CWF19L2: variants seen among roughly 807,000 people sequenced by gnomAD.
The protein encoded by CWF19L2 is CWF19 like cell cycle control factor 2, also known as CWF19-like protein 2.
In CWF19L2, 98 loss-of-function variants were observed where a neutral mutation model predicts 111.7. The ratio of observed to expected loss-of-function variants is 0.88; its 90% CI spans 0.75 to 1.04. The LOEUF (loss-of-function observed/expected upper bound fraction) is 1.04, where lower values mean the gene tolerates loss of function less well. Ranked by LOEUF, CWF19L2 falls within the 50% of genes least tolerant of loss-of-function variation. The pLI is 0.00. For synonymous variants in CWF19L2, 351 were observed against 342.9 expected (o/e 1.02, Z -0.26); for missense variants, 1,101 against 1,051.4 (o/e 1.05, Z -0.65).
At chr11:107,435,731 T>A (rs1188047160) in intron 6 of CWF19L2, among the ~76,000 whole-genome samples, 1 of 151,952 alleles carries the variant, frequency 6.6e-6, no homozygotes, top group Non-Finnish European at 1.5e-5. Context: ...AAGAAAAAAA[T>A]CACCAAATTT....
intron 12 of CWF19L2, among the ~76,000 whole-genome samples, chr11:107,355,914 C>G (rs1424200130): frequency 1.3e-5 from 2 of 152,120 alleles, no homozygotes; most frequent in Non-Finnish European, 2.9e-5. Context: ...TTCCACCCAA[C>G]AGCGCAAAAT....
intron 12 of CWF19L2, among the ~76,000 whole-genome samples, chr11:107,378,506 C>A (rs976441956): frequency 6.6e-6 from 1 of 152,170 alleles, no homozygotes; most frequent in Non-Finnish European, 1.5e-5. Context: ...TCTCAGTAAA[C>A]TATTGCAAGA....
intron 10 of CWF19L2, among the ~76,000 whole-genome samples, chr11:107,395,564 C>A (rs938425650): frequency 2.0e-5 from 3 of 151,950 alleles, no homozygotes; most frequent in Non-Finnish European, 4.4e-5. Context: ...TATAAACAAC[C>A]CTGATCCTAC....
At chr11:107,435,543 A>C (rs1434502497) in intron 6 of CWF19L2, among the ~76,000 whole-genome samples, 1 of 152,200 alleles carries the variant, frequency 6.6e-6, no homozygotes, top group East Asian at 1.9e-4. Flanking sequence ...CTCTATGTTA[A>C]CATTTATGAA....
At chr11:107,383,586 A>C (rs1203603340) in intron 12 of CWF19L2, among the ~76,000 whole-genome samples, 4 of 152,200 alleles carry the variant, frequency 2.6e-5, no homozygotes, top group Admixed American at 2.0e-4. Context: ...TAATTCCCCT[A>C]TACAAACACA....
In CWF19L2 at chr11:107,455,852, C is replaced by T. The variant is rs1166393478; in HGVS notation, c.106-76G>A. 6 of 804,126 alleles carry T rather than the reference C, an allele frequency of 7.5e-6. No homozygotes were observed. The Admixed American group carries it at 1.6e-4, about 21-fold the overall frequency. The allele number at this position is 804,126 out of a possible 1,614,324, so 49.8% of individuals were successfully genotyped here. On this transcript the variant is annotated intron_variant, in intron 1 of 17. Transcript: ENST00000282251. ...TTCACAAAAAAAGGAAAACAAAAAC[C>T]TCTGTCATTTTTATACAAAAATATC... is the stretch of plus-strand genomic sequence containing the variant.
At position 107,339,665 on chromosome 11, in the gene CWF19L2, CT is replaced by C. The variant is rs34093897; in HGVS notation, c.2203-2953del. Among the ~76,000 whole-genome samples the C allele has an allele frequency of 7.4e-3, 962 of 129,930 alleles. 3 individuals carry two copies. Among genetic ancestry groups the C allele is most frequent in the Middle Eastern group, 0.029 (7 of 242 alleles). 85.2% of individuals were successfully genotyped at this position (129,930 alleles called of 152,430 possible). A position where few individuals can be genotyped will look rare whatever the true frequency, so the allele number is the denominator to read the frequency against. On this transcript the variant is annotated intron_variant, in intron 14 of 17. Coordinates refer to ENST00000282251, the MANE Select transcript of CWF19L2 (RefSeq NM_152434.3). The stretch of plus-strand genomic sequence containing the variant: ...AAATGTTTCATGATGTTGTTTATCC[CT>C]TTTTTTTTTTTTTTTTTGAGATGGA...
Position 107,428,987 on chromosome 11 carries a change from T to A in CWF19L2, c.1245A>T (p.Arg415Ser). ...CATCAGAGCGACTCCATGATGTTAA[T>A]CTTTCTTCACTGTTCTTGGTGGGTT... ...FRKPTKNSEE[R>S]LTSWSRSDGR... Residue 415 changes from arginine (R) to serine (S), a missense_variant, in exon 8 of 18, where the codon AGA becomes AGT. By Grantham distance (110) the Arg-to-Ser change is moderately radical. Coordinates refer to ENST00000282251, the MANE Select transcript of CWF19L2 (RefSeq NM_152434.3). 1 of 1,613,798 alleles carries A rather than the reference T, an allele frequency of 6.2e-7. No individual in the cohort carries two copies. The highest frequency in any genetic ancestry group is 1.3e-5 in the African/African-American group (1 of 75,014).
Position 107,336,666 on chromosome 11 carries a change from GTCTAA to G in CWF19L2, c.2245_2249del (p.Asp750HisfsTer6), listed in dbSNP as rs1447771381. On this transcript the variant is annotated frameshift_variant, in exon 15 of 18. Transcript: ENST00000282251. LOFTEE classifies it high-confidence loss of function. ...TCATATTAGTTTCCAAAAAAATGCA[GTCTAA>G]TCCTTTATCTTCAAACATCTTTACC... The G allele has an allele frequency of 6.4e-7, 1 of 1,566,448 alleles. No homozygotes were observed. Among genetic ancestry groups the G allele is most frequent in the Non-Finnish European group, 8.7e-7 (1 of 1,148,940 alleles).
At chr11:107,449,858 T>C (rs1271704441) in intron 3 of CWF19L2, among the ~76,000 whole-genome samples, 1 of 152,062 alleles carries the variant, frequency 6.6e-6, no homozygotes, top group East Asian at 1.9e-4. Flanking sequence ...ATATCAATTA[T>C]TACATTAAAC....
rs1168961115 is a variant in CWF19L2 at position 107,373,452 on chromosome 11, G to C, written c.1872+16622C>G. 3.0e-5 allele frequency among the ~76,000 whole-genome samples: 4 copies of C among 131,860 alleles called. 1 individual carries two copies. The highest frequency in any genetic ancestry group is 6.5e-5 in the Non-Finnish European group (4 of 61,702). The allele number at this position is 131,860 out of a possible 152,430, so 86.5% of individuals were successfully genotyped here. On this transcript the variant is annotated intron_variant, in intron 12 of 17. Transcript: ENST00000282251. ...AACGGGCAGACTGCCTCCTCAAGTG[G>C]GTCCCTGACCCCTGACCCCCGAGCA... is the stretch of plus-strand genomic sequence containing the variant.
At chr11:107,340,547 CAT>C (rs1859991322) in intron 14 of CWF19L2, among the ~76,000 whole-genome samples, 1 of 152,304 alleles carries the variant, frequency 6.6e-6, no homozygotes, top group South Asian at 2.1e-4. Context: ...ACCAATATCA[CAT>C]AGTCTTGATT....
chr11:107,339,667 T>TC (rs1173627702), intron 14 of CWF19L2, among the ~76,000 whole-genome samples: 7 of 83,942 alleles, frequency 8.3e-5, no homozygotes, highest in Non-Finnish European at 1.4e-4. Flanking sequence ...GTTTATCCCT[T>TC]TTTTTTTTTT....
chr11:107,385,860 T>C (rs1860757770), intron 12 of CWF19L2, among the ~76,000 whole-genome samples: 1 of 152,248 alleles, frequency 6.6e-6, no homozygotes, highest in African/African-American at 2.4e-5. Context: ...CAGTTATGAC[T>C]GACTGTTGCA....
At position 107,368,298 on chromosome 11, in the gene CWF19L2, T is replaced by C. The variant is rs1487970199; in HGVS notation, c.1873-14562A>G. Among the ~76,000 whole-genome samples the C allele has an allele frequency of 2.9e-5, 4 of 137,836 alleles. 1 individual carries two copies. The highest frequency in any genetic ancestry group is 6.2e-5 in the Non-Finnish European group (4 of 64,284). The allele number at this position is 137,836 out of a possible 152,430, so 90.4% of individuals were successfully genotyped here. On this transcript the variant is annotated intron_variant, in intron 12 of 17. Coordinates refer to ENST00000282251, the MANE Select transcript of CWF19L2 (RefSeq NM_152434.3). ...AGAAATACAAAAGAGCATCAGAGAC[T>C]ATGATGATCAACTATATTCTCACAA...
intron 12 of CWF19L2, among the ~76,000 whole-genome samples, chr11:107,380,663 G>C (rs1367937732): frequency 6.6e-6 from 1 of 152,178 alleles, no homozygotes; most frequent in Non-Finnish European, 1.5e-5. Context: ...AAATAGTTTG[G>C]TGGTTCCTCA....
At chr11:107,437,253 T>C (rs1861555108) in intron 6 of CWF19L2, among the ~76,000 whole-genome samples, 1 of 152,162 alleles carries the variant, frequency 6.6e-6, no homozygotes. Context: ...ATATCATTAT[T>C]CCCTATTACA....
intron 3 of CWF19L2, among the ~76,000 whole-genome samples, chr11:107,444,130 C>A (rs969651317): frequency 6.6e-6 from 1 of 150,452 alleles, no homozygotes; most frequent in African/African-American, 2.5e-5. Context: ...GAAGGGGGAC[C>A]TTCCTTGACC....
chr11:107,359,650 C>T (rs1238634435), intron 12 of CWF19L2, among the ~76,000 whole-genome samples: 2 of 152,062 alleles, frequency 1.3e-5, no homozygotes, highest in African/African-American at 2.4e-5. Context: ...CAGTGGTTCA[C>T]ACCTGTAATC....
Sources: allele counts gnomAD v4.1 joint callset (sites outside exome capture counted in the v4.1 genomes callset), GRCh38; gene constraint gnomAD v4.1.1; transcripts MANE v1.5; gene names NCBI Gene and HGNC (gene_info 2026-07-23, HGNC 2026-07-21).